Variants in GOLGB1 observed in about 807,000 individuals in gnomAD.
GOLGB1 encodes the protein golgin subfamily B member 1.
Under a neutral mutation model 336.9 loss-of-function variants are expected in GOLGB1, and 174 were observed. The ratio of observed to expected loss-of-function variants is 0.52; its 90% CI spans 0.46 to 0.59. GOLGB1 has a LOEUF of 0.59. Ranked by LOEUF, GOLGB1 falls within the 20% of genes least tolerant of loss-of-function variation. GOLGB1 has a pLI of 0.00. For synonymous variants in GOLGB1, 1,208 were observed against 1,289.2 expected (o/e 0.94, Z 1.35); for missense variants, 3,331 against 3,645.3 (o/e 0.91, Z 2.22).
Position 121,698,157 on chromosome 3 carries a change from T to A in GOLGB1, c.2366A>T (p.Tyr789Phe), listed in dbSNP as rs1360541702. 6.2e-7 allele frequency: 1 copy of A among 1,613,828 alleles called. No homozygotes were observed. Among genetic ancestry groups the A allele is most frequent in the East Asian group, 2.2e-5 (1 of 44,880 alleles). ...AEAERQRRLD[Y>F]ESQTAHDNLL... ...GTTGTCATGGGCAGTTTGGCTTTCA[T>A]AATCAAGTCTTCTTTGCCTTTCTGC... The change falls in exon 13 of 22, where the codon TAT becomes TTT. Residue 789 changes from tyrosine to phenylalanine, a missense_variant. Physicochemically the swap from Tyr to Phe is conservative, Grantham distance 22 (BLOSUM62 3). Transcript: ENST00000614479.
rs369989007 is a variant in GOLGB1 at position 121,727,017 on chromosome 3, C to T, written c.427G>A (p.Glu143Lys). Reference protein sequence around the residue: ...SKHDKSSTEEEMEIEKIKHKL... With the variant: ...SKHDKSSTEEKMEIEKIKHKL... ...TGTTTTATCTTTTCTATTTCCATCT[C>T]TTCCTCTGTAGAACTCTTGTCATGC... Residue 143 changes from glutamate to lysine, a missense_variant, in exon 5 of 22, where the codon GAG becomes AAG. Physicochemically the swap from Glu to Lys is moderately conservative, Grantham distance 56. Transcript: ENST00000614479. The T allele has an allele frequency of 1.9e-4, 298 of 1,592,154 alleles. 2 individuals are homozygous for T. The South Asian group carries it at 3.2e-3, about 17-fold the overall frequency.
Position 121,695,361 on chromosome 3 carries a change from G to A in GOLGB1, c.5162C>T (p.Thr1721Ile), listed in dbSNP as rs1281109689. 1 of 1,613,804 alleles carries A rather than the reference G, an allele frequency of 6.2e-7. No homozygotes were observed. Among genetic ancestry groups the A allele is most frequent in the South Asian group, 1.1e-5 (1 of 91,082 alleles). ...CATGCTGGCATTGGAAGAAAGAAGT[G>A]TTTCCATACACTCTTTAGCTGTATC... ...AGDTAKECME[T>I]LLSSNASMKE... is the part of the protein sequence containing the mutation. The change falls in exon 13 of 22, where the codon ACA becomes ATA. Residue 1721 changes from threonine (T) to isoleucine (I), a missense_variant. Physicochemically the swap from Thr to Ile is moderately conservative, Grantham distance 89 (BLOSUM62 -1). Coordinates refer to ENST00000614479, the MANE Select transcript of GOLGB1 (RefSeq NM_001366282.2).
At chr3:121,726,567 A>G (rs532226350) in intron 5 of GOLGB1, among the ~76,000 whole-genome samples, 1 of 151,852 alleles carries the variant, frequency 6.6e-6, no homozygotes, top group South Asian at 2.1e-4. Flanking sequence ...AAAAGAAAAA[A>G]TCATTGCAGT....
In GOLGB1 at chr3:121,701,255, T is replaced by C. The variant is rs566294680; in HGVS notation, c.1519+1226A>G. On this transcript the variant is annotated intron_variant, in intron 11 of 21. Coordinates refer to ENST00000614479, the MANE Select transcript of GOLGB1 (RefSeq NM_001366282.2). Reference sequence around the variant, plus strand: ...GAACCCATATAATACCTCCAAACCATGTGAAGCCACATGGATAGGATACAG... The same window carrying C: ...GAACCCATATAATACCTCCAAACCACGTGAAGCCACATGGATAGGATACAG... Among the ~76,000 whole-genome samples the C allele has an allele frequency of 3.3e-5, 5 of 152,244 alleles. No individual in the cohort carries two copies. The East Asian group carries it at 9.7e-4, about 29-fold the overall frequency.
intron 12 of GOLGB1, among the ~76,000 whole-genome samples, chr3:121,699,434 G>A (rs1487536351): frequency 2.6e-5 from 4 of 151,970 alleles, no homozygotes; most frequent in Non-Finnish European, 4.4e-5. Flanking sequence ...ATTATTAAAA[G>A]GATCATTCTC....
At chr3:121,685,719 T>C (rs1187840359) in intron 14 of GOLGB1, among the ~76,000 whole-genome samples, 2 of 151,986 alleles carry the variant, frequency 1.3e-5, no homozygotes, top group African/African-American at 2.4e-5. Context: ...ACACAGGAAA[T>C]ACTGAAAGAA....
chr3:121,702,609 A>G lies in GOLGB1; in HGVS notation c.1405-14T>C. 1 of 1,270,390 alleles carries G rather than the reference A, an allele frequency of 7.9e-7. No individual in the cohort carries two copies. The allele number at this position is 1,270,390 out of a possible 1,614,324, so 78.7% of individuals were successfully genotyped here. On this transcript the variant is annotated splice_polypyrimidine_tract_variant and intron_variant, in intron 10 of 21. Coordinates refer to ENST00000614479, the MANE Select transcript of GOLGB1 (RefSeq NM_001366282.2). ...CTCAGTGACTGCCTAAATTGTAGAA[A>G]GACAACAAATTAATGATTCTCCAGC...
At position 121,693,858 on chromosome 3, in the gene GOLGB1, T is replaced by C. The variant is rs200441477; in HGVS notation, c.6665A>G (p.Asp2222Gly). 56 of 1,613,674 alleles carry C rather than the reference T, an allele frequency of 3.5e-5. No homozygotes were observed. Among genetic ancestry groups the C allele is most frequent in the Non-Finnish European group, 4.3e-5 (51 of 1,179,654 alleles). Residue 2222 changes from aspartate to glycine, a missense_variant, in exon 13 of 22, where the codon GAT (aspartate) becomes GGT (glycine). Transcript: ENST00000614479. ...TTCTTCTTCTTTGCTTTGAATCGCA[T>C]CACTAAACTTCCTCTCCCATTTCTT... is the stretch of plus-strand genomic sequence containing the variant. ...EAKKWERKFSDAIQSKEEEIR... is the reference protein window; with the variant it reads ...EAKKWERKFSGAIQSKEEEIR...
intron 5 of GOLGB1, among the ~76,000 whole-genome samples, chr3:121,725,511 A>C (rs1364014157): frequency 6.6e-6 from 1 of 152,152 alleles, no homozygotes; most frequent in Non-Finnish European, 1.5e-5. Context: ...TCTTGGAGGA[A>C]GATAATGTGT....
At chr3:121,712,271 CAACTTG>C (rs1302346941) in intron 10 of GOLGB1, among the ~76,000 whole-genome samples, 1 of 152,038 alleles carries the variant, frequency 6.6e-6, no homozygotes, top group Non-Finnish European at 1.5e-5. Flanking sequence ...AAAAACAAAA[CAACTTG>C]ACCTTCACCT....
At chr3:121,729,064 A>C (rs1919554) in intron 4 of GOLGB1, 124 bp downstream of exon 4, 91,490 of 643,212 alleles carry the variant, frequency 0.14, 7,658 homozygotes, top group South Asian at 0.21. Context: ...TAAGAAAAAA[A>C]AAAACAAAAC....
At position 121,686,139 on chromosome 3, in the gene GOLGB1, C is replaced by A. The variant is rs115968741; in HGVS notation, c.8695-4274G>T. On this transcript the variant is annotated intron_variant, in intron 14 of 21. Transcript: ENST00000614479. ...CTGTAGAGAAGTAATGGATGTTTCACAACTGCACAGTGTTCTCTTTATGGG... is the reference window on the plus strand; with the variant it reads ...CTGTAGAGAAGTAATGGATGTTTCAAAACTGCACAGTGTTCTCTTTATGGG... Among the ~76,000 whole-genome samples the A allele has an allele frequency of 4.1e-4, 63 of 152,320 alleles. 1 individual carries two copies. Among genetic ancestry groups the A allele is most frequent in the African/African-American group, 1.5e-3 (63 of 41,580 alleles).
At position 121,690,685 on chromosome 3, in the gene GOLGB1, AT is replaced by A; in HGVS notation, c.8678del (p.Asn2893MetfsTer7). The A allele has an allele frequency of 6.6e-7, 1 of 1,508,396 alleles. No homozygotes were observed. Among genetic ancestry groups the A allele is most frequent in the Non-Finnish European group, 8.9e-7 (1 of 1,128,922 alleles). The allele number at this position is 1,508,396 out of a possible 1,614,324, so 93.4% of individuals were successfully genotyped here. On this transcript the variant is annotated frameshift_variant, in exon 14 of 22. Coordinates refer to ENST00000614479, the MANE Select transcript of GOLGB1 (RefSeq NM_001366282.2). LOFTEE classifies it high-confidence loss of function. ...AGCTACTCACTAGTCTGTCTCTGTC[AT>A]TTTGGAGTGAAGACATAGCTTTTTT... ...SLKKAMSSLQ[N>X]DRDRLLKELK...
At chr3:121,744,933 C>T (rs1474212433) in intron 1 of GOLGB1, among the ~76,000 whole-genome samples, 1 of 152,136 alleles carries the variant, frequency 6.6e-6, no homozygotes, top group African/African-American at 2.4e-5. Flanking sequence ...GAAGCTGCAT[C>T]ATAGTGAGTA....
intron 10 of GOLGB1, among the ~76,000 whole-genome samples, chr3:121,708,019 T>A (rs1044948634): frequency 5.3e-5 from 8 of 152,174 alleles, no homozygotes; most frequent in African/African-American, 1.9e-4. Flanking sequence ...CCAAAAACTG[T>A]CCACAACCCA....
At chr3:121,678,359 T>A (rs1940665110) in intron 15 of GOLGB1, among the ~76,000 whole-genome samples, 1 of 152,216 alleles carries the variant, frequency 6.6e-6, no homozygotes, top group African/African-American at 2.4e-5. Context: ...AGAACTCTCT[T>A]AGAGATGTTA....
chr3:121,724,032 T>G (rs560630956), intron 5 of GOLGB1, among the ~76,000 whole-genome samples: 1 of 152,284 alleles, frequency 6.6e-6, no homozygotes, highest in Admixed American at 6.5e-5. Flanking sequence ...TTTCAGGTAT[T>G]CTGTTACACG....
chr3:121,675,265 A>G (rs1206531537), intron 17 of GOLGB1, among the ~76,000 whole-genome samples: 1 of 152,260 alleles, frequency 6.6e-6, no homozygotes, highest in Admixed American at 6.5e-5. Flanking sequence ...AAAAAACACA[A>G]CTTTATGACT....
At chr3:121,699,714 C>G in intron 12 of GOLGB1, 98 bp downstream of exon 12, 1 of 668,192 alleles carries the variant, frequency 1.5e-6, no homozygotes, top group Non-Finnish European at 2.7e-6. Context: ...TAATGTACTT[C>G]TCTGGCAACA....
Sources: gnomAD v4.1 joint callset for allele counts (sites outside exome capture counted in the v4.1 genomes callset) on GRCh38, gnomAD v4.1.1 for gene constraint, MANE v1.5 for transcripts, NCBI Gene and HGNC (gene_info 2026-07-23, HGNC 2026-07-21) for gene names.